Variants in RBP2 observed in about 807,000 individuals in gnomAD.
RBP2 encodes the protein retinol-binding protein 2.
In RBP2, 17 loss-of-function variants were observed where a neutral mutation model predicts 17.0. The ratio of observed to expected loss-of-function variants is 1.00; its 90% CI spans 0.68 to 1.50. The LOEUF (loss-of-function observed/expected upper bound fraction) is 1.50. Among genes scored for constraint, RBP2 ranks in the 40% most tolerant of loss-of-function variants. RBP2 has a pLI of 0.00. For synonymous variants in RBP2, 48 were observed against 57.1 expected, an observed-to-expected ratio of 0.84 and a Z score of 0.72; for missense variants, 158 against 168.2, an observed-to-expected ratio of 0.94 and a Z score of 0.33.
chr3:139,464,360 A>G (rs912045685), intron 1 of RBP2, among the ~76,000 whole-genome samples: 1 of 152,190 alleles, frequency 6.6e-6, no homozygotes, highest in Admixed American at 6.5e-5. Flanking sequence ...CGGGAGGCTG[A>G]GGCGGGAGAA....
chr3:139,461,768 C>A (rs1021229889), intron 2 of RBP2, among the ~76,000 whole-genome samples: 7 of 152,206 alleles, frequency 4.6e-5, no homozygotes, highest in African/African-American at 1.7e-4. Flanking sequence ...GGCAGGGCTG[C>A]CACCTTTCCA....
chr3:139,465,473 T>C (rs928284219), intron 1 of RBP2, among the ~76,000 whole-genome samples: 2 of 152,136 alleles, frequency 1.3e-5, no homozygotes, highest in Non-Finnish European at 2.9e-5. Context: ...TCAGAGAAGT[T>C]GTGTCACTTT....
intron 1 of RBP2, among the ~76,000 whole-genome samples, chr3:139,472,560 A>G (rs939046905): frequency 2.6e-5 from 4 of 152,224 alleles, no homozygotes; most frequent in African/African-American, 4.8e-5. Context: ...TGGGGAGACC[A>G]CATGTAGATG....
At chr3:139,465,565 C>G (rs943384759) in intron 1 of RBP2, among the ~76,000 whole-genome samples, 1 of 152,092 alleles carries the variant, frequency 6.6e-6, no homozygotes, top group Non-Finnish European at 1.5e-5. Context: ...GCTGTGCTCC[C>G]CAAGCTCTGG....
At chr3:139,473,900 C>G (rs1933644243) in intron 1 of RBP2, among the ~76,000 whole-genome samples, 1 of 152,144 alleles carries the variant, frequency 6.6e-6, no homozygotes, top group Non-Finnish European at 1.5e-5. Context: ...TTCTGGGGTC[C>G]TGAGACACTG....
chr3:139,459,154 A>G (rs1933092726), intron 2 of RBP2, among the ~76,000 whole-genome samples: 1 of 151,972 alleles, frequency 6.6e-6, no homozygotes, highest in Non-Finnish European at 1.5e-5. Flanking sequence ...AGCCCTGGAA[A>G]ACAATAGCAT....
chr3:139,468,576 G>T (rs976590376), intron 1 of RBP2, among the ~76,000 whole-genome samples: 3 of 152,098 alleles, frequency 2.0e-5, no homozygotes, highest in African/African-American at 7.2e-5. Flanking sequence ...TCTGCCCCAG[G>T]GAAGGTAGCC....
At chr3:139,459,150 G>A (rs1933092467) in intron 2 of RBP2, among the ~76,000 whole-genome samples, 1 of 151,990 alleles carries the variant, frequency 6.6e-6, no homozygotes, top group Admixed American at 6.6e-5. Context: ...ATGGAGCCCT[G>A]GAAAACAATA....
rs1233542259 is a variant in RBP2, at chr3:139,476,462, T to C, written c.-3A>G. The C allele has an allele frequency of 1.2e-6, 2 of 1,613,766 alleles. No homozygotes were observed. Among genetic ancestry groups the C allele is most frequent in the Non-Finnish European group, 1.7e-6 (2 of 1,179,918 alleles). On this transcript the variant is annotated 5_prime_UTR_variant, in exon 1 of 4. Coordinates refer to ENST00000232217, the MANE Select transcript of RBP2 (RefSeq NM_004164.3). ...GTTCCATTCTGGTCCCTTGTCATGG[T>C]GGTGGCCACTGGTTCGGTGAGGGTT... is the stretch of plus-strand genomic sequence containing the variant.
At chr3:139,453,619 G>A (rs1007071417) in intron 3 of RBP2, among the ~76,000 whole-genome samples, 3 of 152,216 alleles carry the variant, frequency 2.0e-5, no homozygotes, top group African/African-American at 7.2e-5. Flanking sequence ...GCAGGTACCC[G>A]CAGGGTGTGA....
At position 139,458,117 on chromosome 3, in the gene RBP2, T is replaced by G. The variant is rs370039425; in HGVS notation, c.253-3287A>C. Among the ~76,000 whole-genome samples, 14 of 152,326 alleles carry G rather than the reference T, an allele frequency of 9.2e-5. No homozygotes were observed. In the East Asian group the frequency reaches 2.5e-3, roughly 27 times the overall value. Reference sequence around the variant, plus strand: ...AAGCAAAGGGGCAAAATGTGGTAACTCTTGGTAAAGAGTGTACAGGTGTTT... The same window carrying G: ...AAGCAAAGGGGCAAAATGTGGTAACGCTTGGTAAAGAGTGTACAGGTGTTT... On this transcript the variant is annotated intron_variant, in intron 2 of 3. Transcript: ENST00000232217.
At chr3:139,457,602 T>C (rs562228454) in intron 2 of RBP2, among the ~76,000 whole-genome samples, 56 of 152,326 alleles carry the variant, frequency 3.7e-4, no homozygotes, top group Admixed American at 7.8e-4. Context: ...TACTCCTATA[T>C]AAAAATAAGA....
intron 2 of RBP2, 37 bp downstream of exon 2, chr3:139,462,075 G>A (rs752627825): frequency 6.4e-7 from 1 of 1,554,020 alleles, no homozygotes; most frequent in East Asian, 2.2e-5. Context: ...CCCTGGCACA[G>A]AATGTGTGAA....
intron 1 of RBP2, among the ~76,000 whole-genome samples, chr3:139,467,087 G>C (rs1421859169): frequency 6.6e-6 from 1 of 152,152 alleles, no homozygotes; most frequent in Non-Finnish European, 1.5e-5. Context: ...ACATCTTCTT[G>C]CTCTGTGTTC....
At chr3:139,472,141 C>T (rs761724160) in intron 1 of RBP2, among the ~76,000 whole-genome samples, 4 of 152,218 alleles carry the variant, frequency 2.6e-5, no homozygotes, top group Non-Finnish European at 5.9e-5. Context: ...CAAAGCCCCA[C>T]CAAGAAGTAC....
chr3:139,455,780 C>T (rs1027264420), intron 2 of RBP2, among the ~76,000 whole-genome samples: 5 of 152,130 alleles, frequency 3.3e-5, no homozygotes, highest in African/African-American at 1.2e-4. Flanking sequence ...GGGTTCCTCC[C>T]AGCAGCAATG....
chr3:139,458,079 T>C (rs60610843), intron 2 of RBP2, among the ~76,000 whole-genome samples: 3,140 of 152,298 alleles, frequency 0.021, 88 homozygotes, highest in African/African-American at 0.068. Context: ...AGAGAAAGCA[T>C]GTGCACATGA....
At chr3:139,466,830 C>T (rs988302603) in intron 1 of RBP2, 5 of 152,226 alleles carry the variant, frequency 3.3e-5, no homozygotes, top group Admixed American at 2.0e-4. Flanking sequence ...TGTTTTCCCA[C>T]ATATCCCTTG....
At position 139,462,042 on chromosome 3, in the gene RBP2, C is replaced by G. The variant is rs563961018; in HGVS notation, c.252+70G>C. ...AGGTTGTTTCTAATATTTTTTTTTT[C>G]ATCATGATACCAAATAGCCAGCCCC... On this transcript the variant is annotated intron_variant, in intron 2 of 3. Coordinates refer to ENST00000232217, the MANE Select transcript of RBP2 (RefSeq NM_004164.3). 8.1e-6 allele frequency: 12 copies of G among 1,478,832 alleles called. No individual in the cohort carries two copies. In the African/African-American group the frequency reaches 8.6e-5, roughly 11 times the overall value. The allele number at this position is 1,478,832 out of a possible 1,614,324, so 91.6% of individuals were successfully genotyped here. A position where few individuals can be genotyped will look rare whatever the true frequency, so the allele number is the denominator to read the frequency against.
Sources: gnomAD v4.1 joint callset for allele counts (sites outside exome capture counted in the v4.1 genomes callset) on GRCh38, gnomAD v4.1.1 for gene constraint, MANE v1.5 for transcripts, NCBI Gene and HGNC (gene_info 2026-07-23, HGNC 2026-07-21) for gene names.